CRHR2: variants seen among roughly 807,000 people sequenced by gnomAD.
CRHR2 encodes the protein corticotropin-releasing hormone receptor 2.
In CRHR2, 53 loss-of-function variants were observed where a neutral mutation model predicts 57.9. That is an observed-to-expected ratio of 0.92 (90% CI 0.73 to 1.15). The LOEUF (loss-of-function observed/expected upper bound fraction) is 1.15. Among genes scored for constraint, CRHR2 ranks in the 50% most tolerant of loss-of-function variants. The pLI is 0.00. For missense variants in CRHR2, 532 were observed against 542.6 expected (o/e 0.98, Z 0.19); for synonymous variants, 213 against 220.9 (o/e 0.96, Z 0.32).
intron 2 of CRHR2, among the ~76,000 whole-genome samples, chr7:30,674,454 A>G (rs1401750995): frequency 1.3e-5 from 2 of 152,178 alleles, no homozygotes; most frequent in African/African-American, 2.4e-5. Flanking sequence ...GAGAAACATC[A>G]CTAGAACTCA....
rs929651117 is a variant in CRHR2, at chr7:30,656,994, T to A, written c.832-982A>T. On this transcript the variant is annotated intron_variant, in intron 8 of 11. Transcript: ENST00000471646. This position sits in a 1 kb window ranked among gnomAD's most constrained non-coding sequence, Gnocchi z 4.4. ...GGGAGTGTGTGTCGGCCTGACACAG[T>A]GGGGCTGTTTCCTGACAAAGTGCTC... 6.6e-6 allele frequency among the ~76,000 whole-genome samples: 1 copy of A among 152,004 alleles called. No homozygotes were observed. Among genetic ancestry groups the A allele is most frequent in the African/African-American group, 2.4e-5 (1 of 41,354 alleles).
intron 1 of CRHR2, among the ~76,000 whole-genome samples, chr7:30,696,610 G>A (rs757871454): frequency 6.6e-6 from 1 of 152,106 alleles, no homozygotes; most frequent in Non-Finnish European, 1.5e-5. Flanking sequence ...TATAGTCCTG[G>A]CTACTCAGGA....
intron 2 of CRHR2, among the ~76,000 whole-genome samples, chr7:30,675,690 C>G (rs996224075): frequency 1.3e-5 from 2 of 152,204 alleles, no homozygotes; most frequent in African/African-American, 4.8e-5. Context: ...ATGAAGTCTT[C>G]CAAATTTACT....
chr7:30,674,966 G>T (rs560562702), intron 2 of CRHR2, among the ~76,000 whole-genome samples: 1 of 152,272 alleles, frequency 6.6e-6, no homozygotes, highest in South Asian at 2.1e-4. Context: ...GCCCCACGAG[G>T]TCAGCATGTT....
Position 30,653,700 on chromosome 7 carries a change from C to T in CRHR2, c.1096-100G>A, listed in dbSNP as rs1377725711. 7.2e-7 allele frequency: 1 copy of T among 1,393,224 alleles called. No homozygotes were observed. Among genetic ancestry groups the T allele is most frequent in the Non-Finnish European group, 9.5e-7 (1 of 1,051,090 alleles). The allele number at this position is 1,393,224 out of a possible 1,614,324, so 86.3% of individuals were successfully genotyped here. ...TTCTGCTCTCATGGGTCGACTGCCA[C>T]CCTCATGACAAGGAACTGTCTGCTT... is the stretch of plus-strand genomic sequence containing the variant. On this transcript the variant is annotated intron_variant, in intron 11 of 11. Coordinates refer to ENST00000471646, the MANE Select transcript of CRHR2 (RefSeq NM_001883.5). This position sits in a 1 kb window ranked among gnomAD's most constrained non-coding sequence, Gnocchi z 5.0.
In CRHR2 at chr7:30,665,937, C is replaced by T. The variant is rs571598601; in HGVS notation, c.316-298G>A. Among the ~76,000 whole-genome samples, 17 of 152,128 alleles carry T rather than the reference C, an allele frequency of 1.1e-4. No homozygotes were observed. Among genetic ancestry groups the T allele is most frequent in the Non-Finnish European group, 1.5e-4 (10 of 68,018 alleles). On this transcript the variant is annotated intron_variant, in intron 3 of 11. Transcript: ENST00000471646. This position sits in a 1 kb window ranked among gnomAD's most constrained non-coding sequence, Gnocchi z 4.5. ...ATTCACAGGTGTGATCACAGTGCACCGCAGCCTTGATCTGCAGGCCTGAAG... is the reference window on the plus strand; with the variant it reads ...ATTCACAGGTGTGATCACAGTGCACTGCAGCCTTGATCTGCAGGCCTGAAG...
upstream of CRHR2, among the ~76,000 whole-genome samples, chr7:30,683,494 G>A (rs374119956): frequency 2.4e-4 from 36 of 152,258 alleles, 1 homozygote; most frequent in East Asian, 6.4e-3. Flanking sequence ...CCCAGGGCGG[G>A]CCTGCTGTGT....
chr7:30,685,499 T>A (rs1784838450), upstream of CRHR2, among the ~76,000 whole-genome samples: 1 of 152,172 alleles, frequency 6.6e-6, no homozygotes, highest in Non-Finnish European at 1.5e-5. Context: ...ACGGGGTTGC[T>A]GAGGGCACAG....
Position 30,653,641 on chromosome 7 carries a change from A to C in CRHR2, c.1096-41T>G, listed in dbSNP as rs768969599. ...AGGCTCAGCTGGCTCCCAGGGACCAACCCTGGGCTTCTGGGACCATCCCCT... is the reference window on the plus strand; with the variant it reads ...AGGCTCAGCTGGCTCCCAGGGACCACCCCTGGGCTTCTGGGACCATCCCCT... On this transcript the variant is annotated intron_variant, in intron 11 of 11. Transcript: ENST00000471646. This position sits in a 1 kb window ranked among gnomAD's most constrained non-coding sequence, Gnocchi z 5.0. The C allele has an allele frequency of 1.9e-6, 3 of 1,564,540 alleles. No individual in the cohort carries two copies. The highest frequency in any genetic ancestry group is 1.2e-5 in the South Asian group (1 of 83,812).
chr7:30,699,511 T>C (rs942043184), intron 1 of CRHR2, among the ~76,000 whole-genome samples: 2 of 148,216 alleles, frequency 1.3e-5, no homozygotes, highest in African/African-American at 5.1e-5. Context: ...GGGAAAGAAG[T>C]CAAGGATCTT....
chr7:30,658,528 GC>G (rs1396155110), intron 8 of CRHR2, among the ~76,000 whole-genome samples: 1 of 152,114 alleles, frequency 6.6e-6, no homozygotes, highest in Non-Finnish European at 1.5e-5. Flanking sequence ...TGAAGATGAG[GC>G]CCCCCTCCCA....
intron 2 of CRHR2, among the ~76,000 whole-genome samples, chr7:30,672,089 G>A (rs1784380958): frequency 6.6e-6 from 1 of 152,224 alleles, no homozygotes; most frequent in Non-Finnish European, 1.5e-5. Flanking sequence ...ACCTCGGAGA[G>A]CTCCTAAGAA....
At chr7:30,687,100 C>A (rs1784870654), upstream of CRHR2, among the ~76,000 whole-genome samples, 1 of 152,066 alleles carries the variant, frequency 6.6e-6, no homozygotes, top group African/African-American at 2.4e-5. Flanking sequence ...AGTTTTCTCA[C>A]AGGTATGTAC....
rs964461256 is a variant in CRHR2, at chr7:30,656,764, G to A, written c.832-752C>T. Among the ~76,000 whole-genome samples the A allele has an allele frequency of 3.9e-5, 6 of 152,204 alleles. No homozygotes were observed. Among genetic ancestry groups the A allele is most frequent in the Admixed American group, 2.6e-4 (4 of 15,278 alleles). On this transcript the variant is annotated intron_variant, in intron 8 of 11. Coordinates refer to ENST00000471646, the MANE Select transcript of CRHR2 (RefSeq NM_001883.5). The surrounding 1 kb of genome is among the most constrained non-coding windows in gnomAD (Gnocchi z 4.4). ...TGGGTGTGGGTCCCCATGGGCCTGCGAGTGTCTGTTCATCTGTATTGGCTG... is the reference window on the plus strand; with the variant it reads ...TGGGTGTGGGTCCCCATGGGCCTGCAAGTGTCTGTTCATCTGTATTGGCTG...
At chr7:30,695,013 G>A (rs945792345) in intron 1 of CRHR2, among the ~76,000 whole-genome samples, 1 of 143,896 alleles carries the variant, frequency 6.9e-6, no homozygotes, top group Non-Finnish European at 1.5e-5. Context: ...GAAGAGAAAG[G>A]GGAGGAGGTG....
At chr7:30,696,848 A>G (rs1785066874) in intron 1 of CRHR2, among the ~76,000 whole-genome samples, 1 of 152,232 alleles carries the variant, frequency 6.6e-6, no homozygotes, top group African/African-American at 2.4e-5. Context: ...ATGACAGCTA[A>G]GAAGATAAAG....
intron 8 of CRHR2, among the ~76,000 whole-genome samples, chr7:30,658,855 T>C (rs1783886878): frequency 6.6e-6 from 1 of 152,166 alleles, no homozygotes; most frequent in Admixed American, 6.5e-5. Flanking sequence ...AATAAGTGAG[T>C]GTCTCTTAGC....
intron 2 of CRHR2, among the ~76,000 whole-genome samples, chr7:30,679,798 C>G (rs62446877): frequency 0.082 from 12,443 of 152,182 alleles, 570 homozygotes; most frequent in Admixed American, 0.12. Context: ...AAGCAGGAAG[C>G]AGCACTGATG....
intron 7 of CRHR2, among the ~76,000 whole-genome samples, chr7:30,661,770 G>T (rs1463400150): frequency 6.6e-6 from 1 of 152,172 alleles, no homozygotes; most frequent in Non-Finnish European, 1.5e-5. Context: ...AACAAGCTCT[G>T]TTAAATGCTC....
Sources: allele counts gnomAD v4.1 joint callset (sites outside exome capture counted in the v4.1 genomes callset), GRCh38; gene constraint gnomAD v4.1.1; non-coding constraint Gnocchi (gnomAD v3.1); transcripts MANE v1.5; gene names NCBI Gene and HGNC (gene_info 2026-07-23, HGNC 2026-07-21).